DYNC1I1: variants seen among roughly 807,000 people sequenced by gnomAD.
The protein encoded by DYNC1I1 is dynein cytoplasmic 1 intermediate chain 1, also known as cytoplasmic dynein 1 intermediate chain 1.
Under a neutral mutation model 86.6 loss-of-function variants are expected in DYNC1I1, and 43 were observed. That is an observed-to-expected ratio of 0.50 (90% CI 0.39 to 0.64). The LOEUF (loss-of-function observed/expected upper bound fraction) is 0.64, where lower values mean the gene tolerates loss of function less well. Ranked by LOEUF, DYNC1I1 falls within the 30% of genes least tolerant of loss-of-function variation. The probability of loss-of-function intolerance (pLI) is 0.00; values close to 1 mark genes in which losing one functional copy is unlikely to be tolerated. For synonymous variants in DYNC1I1, 262 were observed against 283.7 expected, an observed-to-expected ratio of 0.92 and a Z score of 0.77; for missense variants, 604 against 788.8, an observed-to-expected ratio of 0.77 and a Z score of 2.81.
intron 6 of DYNC1I1, among the ~76,000 whole-genome samples, chr7:95,912,765 A>C (rs1211640611): frequency 6.6e-6 from 1 of 152,186 alleles, no homozygotes; most frequent in Non-Finnish European, 1.5e-5. Flanking sequence ...CTGGTCAAGG[A>C]CTAATAACCC....
At chr7:95,842,651 A>T (rs1043066820) in intron 5 of DYNC1I1, among the ~76,000 whole-genome samples, 7 of 152,154 alleles carry the variant, frequency 4.6e-5, no homozygotes, top group African/African-American at 1.7e-4. Context: ...TAGGTGAATG[A>T]AGGAAAAAAC....
intron 10 of DYNC1I1, among the ~76,000 whole-genome samples, chr7:96,025,841 G>GT (rs554163131): frequency 2.4e-5 from 1 of 42,140 alleles, no homozygotes; most frequent in Non-Finnish European, 4.5e-5. Context: ...ACAAGCTTGC[G>GT]GGGGGGGGAT....
chr7:95,977,437 C>G (rs1584218623), intron 6 of DYNC1I1, 75 bp from the exon 7 acceptor site: 1 of 1,410,254 alleles, frequency 7.1e-7, no homozygotes, highest in Non-Finnish European at 9.7e-7. Context: ...CCCTTTACCC[C>G]TACCTCCCAC....
intron 6 of DYNC1I1, among the ~76,000 whole-genome samples, chr7:95,943,633 G>C (rs1178297768): frequency 2.8e-5 from 4 of 141,726 alleles, no homozygotes; most frequent in African/African-American, 7.6e-5. Context: ...ATACTACAAG[G>C]CTACAGTAAC....
At chr7:95,783,449 C>A (rs1435440311) in intron 1 of DYNC1I1, among the ~76,000 whole-genome samples, 3 of 151,930 alleles carry the variant, frequency 2.0e-5, no homozygotes, top group Non-Finnish European at 4.4e-5. Context: ...ATCGTAGGGG[C>A]CAATGTCTAA....
At chr7:96,046,300 T>C (rs949423269) in intron 14 of DYNC1I1, among the ~76,000 whole-genome samples, 1 of 152,180 alleles carries the variant, frequency 6.6e-6, no homozygotes, top group Non-Finnish European at 1.5e-5. Flanking sequence ...AGAGAATTAA[T>C]CAAAATTTGA....
chr7:96,080,588 T>G, intron 16 of DYNC1I1, 100 bp downstream of exon 16: 2 of 1,594,856 alleles, frequency 1.3e-6, no homozygotes, highest in Non-Finnish European at 1.7e-6. Context: ...ACAAGGACCC[T>G]CTCTAACGTG....
rs536802917 is a variant in DYNC1I1 at position 95,914,313 on chromosome 7, A to T, written c.490+44315A>T. Among the ~76,000 whole-genome samples the T allele has an allele frequency of 3.3e-5, 5 of 152,030 alleles. No homozygotes were observed. In the East Asian group the frequency reaches 9.7e-4, roughly 29 times the overall value. On this transcript the variant is annotated intron_variant, in intron 6 of 16. Coordinates refer to ENST00000447467, the MANE Select transcript of DYNC1I1 (RefSeq NM_001135556.2). ...CTCATTAGAACATTCCTGATTATTTACTGTATCCTTTTGTATTATGGTTAT... is the reference window on the plus strand; with the variant it reads ...CTCATTAGAACATTCCTGATTATTTTCTGTATCCTTTTGTATTATGGTTAT...
At chr7:95,853,369 T>A (rs1483040397) in intron 5 of DYNC1I1, among the ~76,000 whole-genome samples, 1 of 152,158 alleles carries the variant, frequency 6.6e-6, no homozygotes, top group Non-Finnish European at 1.5e-5. Flanking sequence ...TCTCTTACCC[T>A]CTTCTTGCCC....
intron 15 of DYNC1I1, 118 bp from the exon 16 acceptor site, chr7:96,080,245 A>G (rs1790472506): frequency 1.3e-5 from 17 of 1,319,310 alleles, no homozygotes; most frequent in Non-Finnish European, 2.0e-6. Context: ...AGGGATGTGT[A>G]TTACTTAATG....
At chr7:95,839,761 G>A (rs1017949082) in intron 5 of DYNC1I1, among the ~76,000 whole-genome samples, 7 of 152,046 alleles carry the variant, frequency 4.6e-5, no homozygotes, top group African/African-American at 1.7e-4. Context: ...ACTAGTGATG[G>A]TAACCTCTCT....
At chr7:95,986,920 A>C in intron 8 of DYNC1I1, 136 bp from the exon 9 acceptor site, 1 of 701,902 alleles carries the variant, frequency 1.4e-6, no homozygotes, top group South Asian at 1.9e-5. Context: ...ATTAATTTTG[A>C]TCAGGGTATG....
chr7:96,030,330 TTGTGTGTGTGTG>T (rs200496803), intron 11 of DYNC1I1, among the ~76,000 whole-genome samples: 87 of 135,488 alleles, frequency 6.4e-4, no homozygotes, highest in South Asian at 1.7e-3. Flanking sequence ...AATGGTAGAG[TTGTGTGTGTGTG>T]TGTGTGTGTG....
intron 10 of DYNC1I1, among the ~76,000 whole-genome samples, chr7:96,011,429 T>A (rs1266006633): frequency 1.3e-5 from 2 of 152,166 alleles, no homozygotes; most frequent in African/African-American, 4.8e-5. Context: ...TCAGTGAGAG[T>A]TATGTGCTAT....
chr7:95,913,451 G>C (rs912100591), intron 6 of DYNC1I1, among the ~76,000 whole-genome samples: 12 of 152,118 alleles, frequency 7.9e-5, no homozygotes, highest in Non-Finnish European at 1.2e-4. Context: ...GGAGGTAATT[G>C]AATCACGGGG....
intron 6 of DYNC1I1, among the ~76,000 whole-genome samples, chr7:95,972,958 A>G (rs1227382261): frequency 1.3e-5 from 2 of 152,210 alleles, no homozygotes; most frequent in Non-Finnish European, 2.9e-5. Flanking sequence ...TGTATCTAAA[A>G]GATGCCATTG....
In DYNC1I1 at chr7:95,996,004, A is replaced by G; in HGVS notation, c.900A>G (p.Pro300=). The change falls in exon 10 of 17, where the codon CCA becomes CCG. Residue 300 remains proline (P), a synonymous_variant. Transcript: ENST00000447467. ...YNNNEDAPHE[P]DGVALVWNMK... The stretch of plus-strand genomic sequence containing the variant: ...ACAATGAAGATGCTCCCCATGAACC[A>G]GATGGAGTGGCCTTGGTTTGGAACA... The G allele has an allele frequency of 6.2e-7, 1 of 1,613,574 alleles. No individual in the cohort carries two copies. The highest frequency in any genetic ancestry group is 8.5e-7 in the Non-Finnish European group (1 of 1,179,796).
chr7:95,819,753 G>A (rs899468687), intron 4 of DYNC1I1, among the ~76,000 whole-genome samples: 2 of 152,142 alleles, frequency 1.3e-5, no homozygotes, highest in African/African-American at 4.8e-5. Flanking sequence ...ATTCAAGGTT[G>A]GTTAAAAGTC....
chr7:96,109,474 T>G (rs1791276912), intron 16 of DYNC1I1, among the ~76,000 whole-genome samples: 1 of 151,906 alleles, frequency 6.6e-6, no homozygotes, highest in Admixed American at 6.6e-5. Flanking sequence ...AGGTGAAAAA[T>G]TAGACAATTG....
Sources: allele counts gnomAD v4.1 joint callset (sites outside exome capture counted in the v4.1 genomes callset), GRCh38; gene constraint gnomAD v4.1.1; transcripts MANE v1.5; gene names NCBI Gene and HGNC (gene_info 2026-07-23, HGNC 2026-07-21).